Variants in ABAT observed in about 807,000 individuals in gnomAD.
ABAT encodes 4-aminobutyrate aminotransferase.
ABAT carries 45 observed loss-of-function variants against 64.6 expected under a neutral mutation model. The observed-to-expected ratio is 0.70, with a 90% CI of 0.55 to 0.89. The LOEUF is 0.89. Among genes scored for constraint, ABAT ranks in the 40% least tolerant of loss-of-function variants. The pLI is 0.00. For missense variants in ABAT, 633 were observed against 658.4 expected (o/e 0.96, Z 0.42); for synonymous variants, 297 against 250.5 (o/e 1.19, Z -1.75).
At chr16:8,748,982 G>C (rs2142694651) in intron 4 of ABAT, among the ~76,000 whole-genome samples, 1 of 152,060 alleles carries the variant, frequency 6.6e-6, no homozygotes, top group Middle Eastern at 3.4e-3. Flanking sequence ...CTTTTGATTG[G>C]ATTGTTTCAT....
intron 10 of ABAT, 54 bp downstream of exon 10, chr16:8,768,310 G>A (rs890562013): frequency 1.6e-5 from 25 of 1,565,728 alleles, no homozygotes; most frequent in South Asian, 8.9e-5. Flanking sequence ...TAATAATAAC[G>A]GCAACAATAG....
intron 1 of ABAT, among the ~76,000 whole-genome samples, chr16:8,675,850 A>C (rs35853974): frequency 0.011 from 1,629 of 152,106 alleles, 15 homozygotes; most frequent in Non-Finnish European, 0.015. Flanking sequence ...GCCCTCTTCC[A>C]AGAGGGCCCG....
At chr16:8,724,784 G>T (rs893794297) in intron 1 of ABAT, among the ~76,000 whole-genome samples, 1 of 145,268 alleles carries the variant, frequency 6.9e-6, no homozygotes, top group African/African-American at 2.5e-5. Context: ...GGCAATCTTG[G>T]GGTCACACAG....
At position 8,699,983 on chromosome 16, in the gene ABAT, A is replaced by ATT. The variant is rs143434735; in HGVS notation, c.-42+25280_-42+25281dup. ...CGTGTGCCACCTGGCTAATTTTTGT[A>ATT]TTTTTTTTTGTAATTTTTGTAGAGA... On this transcript the variant is annotated intron_variant, in intron 1 of 15. Transcript: ENST00000268251. Among the ~76,000 whole-genome samples, 1,121 of 150,622 alleles carry ATT rather than the reference A, an allele frequency of 7.4e-3. 14 individuals are homozygous for ATT. The highest frequency in any genetic ancestry group is 0.026 in the African/African-American group (1,064 of 41,126).
At chr16:8,685,030 A>G (rs968595629) in intron 1 of ABAT, among the ~76,000 whole-genome samples, 1 of 152,098 alleles carries the variant, frequency 6.6e-6, no homozygotes, top group Non-Finnish European at 1.5e-5. Flanking sequence ...CATGCCTGCA[A>G]TCCTAGCACT....
chr16:8,707,499 C>T (rs1255186351), intron 1 of ABAT, among the ~76,000 whole-genome samples: 1 of 151,790 alleles, frequency 6.6e-6, no homozygotes, highest in Non-Finnish European at 1.5e-5. Flanking sequence ...GAGTTAGAGA[C>T]ATTTTAGAGG....
At chr16:8,701,685 G>A (rs1476778096) in intron 1 of ABAT, among the ~76,000 whole-genome samples, 2 of 152,256 alleles carry the variant, frequency 1.3e-5, no homozygotes, top group Non-Finnish European at 2.9e-5. Flanking sequence ...TGGGGATGCT[G>A]AGGAGATAGA....
At chr16:8,686,439 T>G (rs2057457960) in intron 1 of ABAT, among the ~76,000 whole-genome samples, 1 of 152,104 alleles carries the variant, frequency 6.6e-6, no homozygotes, top group South Asian at 2.1e-4. Flanking sequence ...GGAGAAAACA[T>G]GCAGAGAACC....
Position 8,677,993 on chromosome 16 carries a change from G to A in ABAT, c.-42+3282G>A, listed in dbSNP as rs1016322983. Among the ~76,000 whole-genome samples the A allele has an allele frequency of 3.9e-5, 6 of 152,056 alleles. No homozygotes were observed. In the South Asian group the frequency reaches 6.3e-4, roughly 16 times the overall value. ...GGGATTGCTTGAGCCCGGGGAGGTC[G>A]AAGCTGCAGTGAGCCATGATCACAC... is the stretch of plus-strand genomic sequence containing the variant. On this transcript the variant is annotated intron_variant, in intron 1 of 15. Coordinates refer to ENST00000268251, the MANE Select transcript of ABAT (RefSeq NM_020686.6).
intron 1 of ABAT, chr16:8,715,435 T>C (rs1400243846): frequency 6.6e-6 from 1 of 151,904 alleles, no homozygotes; most frequent in Non-Finnish European, 1.5e-5. Context: ...CTCAGGAATA[T>C]AGGGAGACCC....
intron 6 of ABAT, among the ~76,000 whole-genome samples, chr16:8,763,253 C>T (rs192626882): frequency 9.9e-5 from 15 of 152,114 alleles, no homozygotes; most frequent in African/African-American, 3.6e-4. Flanking sequence ...TGGTTCTGCC[C>T]CTTCTTGGCT....
chr16:8,748,103 T>C lies in ABAT; in HGVS notation c.169-5T>C, dbSNP rs1641010. On this transcript the variant is annotated splice_polypyrimidine_tract_variant and splice_region_variant and intron_variant, in intron 3 of 15. Transcript: ENST00000268251. ...CTATAATGCTTTTGTTGTTCTTGCCTGCAGGAGTTAATGAAACAGCTGAAT... is the reference window on the plus strand; with the variant it reads ...CTATAATGCTTTTGTTGTTCTTGCCCGCAGGAGTTAATGAAACAGCTGAAT... 0.59 allele frequency: 957,361 copies of C among 1,611,106 alleles called. 291,683 individuals are homozygous for C. Among genetic ancestry groups the C allele is most frequent in the Admixed American group, 0.65 (38,766 of 59,942 alleles).
At chr16:8,686,960 T>C (rs2057469308) in intron 1 of ABAT, among the ~76,000 whole-genome samples, 1 of 152,164 alleles carries the variant, frequency 6.6e-6, no homozygotes, top group African/African-American at 2.4e-5. Flanking sequence ...GCCAACCTTG[T>C]TTGTACTCAG....
Position 8,721,557 on chromosome 16 carries a change from C to G in ABAT, c.-41-14142C>G, listed in dbSNP as rs1394691107. Among the ~76,000 whole-genome samples, 4 of 152,286 alleles carry G rather than the reference C, an allele frequency of 2.6e-5. No homozygotes were observed. The East Asian group carries it at 5.8e-4, about 22-fold the overall frequency. ...TTTGAGCTCTAAGACCTTGAACAAGCCTTTTAGGCTTCTGAACCGGTTTTA... is the reference window on the plus strand; with the variant it reads ...TTTGAGCTCTAAGACCTTGAACAAGGCTTTTAGGCTTCTGAACCGGTTTTA... On this transcript the variant is annotated intron_variant, in intron 1 of 15. Transcript: ENST00000268251.
intron 1 of ABAT, among the ~76,000 whole-genome samples, chr16:8,724,665 G>A (rs1441398684): frequency 1.4e-5 from 2 of 139,834 alleles, no homozygotes; most frequent in Non-Finnish European, 3.1e-5. Flanking sequence ...GAGCCTGGGA[G>A]CCAGAGGTTG....
At chr16:8,768,004 T>A (rs1257058340) in intron 9 of ABAT, among the ~76,000 whole-genome samples, 189 bp from the exon 10 acceptor site, 3 of 149,744 alleles carry the variant, frequency 2.0e-5, no homozygotes, top group African/African-American at 7.4e-5. Context: ...AAAAAAAAAA[T>A]GTAAGTATGT....
chr16:8,680,671 G>A (rs574348205), intron 1 of ABAT, among the ~76,000 whole-genome samples: 213 of 152,216 alleles, frequency 1.4e-3, no homozygotes, highest in African/African-American at 5.0e-3. Flanking sequence ...CAAGTGATCC[G>A]CCTGCCTCGG....
At chr16:8,773,158 A>ATT in intron 12 of ABAT, among the ~76,000 whole-genome samples, 1 of 126,986 alleles carries the variant, frequency 7.9e-6, no homozygotes, top group African/African-American at 3.3e-5. Flanking sequence ...ATATATATAT[A>ATT]TTTTTTTTTT....
In ABAT at chr16:8,682,845, T is replaced by C. The variant is rs577226974; in HGVS notation, c.-42+8134T>C. Among the ~76,000 whole-genome samples, 5 of 152,332 alleles carry C rather than the reference T, an allele frequency of 3.3e-5. No homozygotes were observed. The East Asian group carries it at 9.6e-4, about 29-fold the overall frequency. ...CTAGGAGCTAGCTAGAAATGCAGAATCTTGGGCCCCACCCAGAACTACAGA... is the reference window on the plus strand; with the variant it reads ...CTAGGAGCTAGCTAGAAATGCAGAACCTTGGGCCCCACCCAGAACTACAGA... On this transcript the variant is annotated intron_variant, in intron 1 of 15. Coordinates refer to ENST00000268251, the MANE Select transcript of ABAT (RefSeq NM_020686.6).
Sources: allele counts gnomAD v4.1 joint callset (sites outside exome capture counted in the v4.1 genomes callset), GRCh38; gene constraint gnomAD v4.1.1; transcripts MANE v1.5; gene names NCBI Gene and HGNC (gene_info 2026-07-23, HGNC 2026-07-21).